The following KLHDC10 variants were observed in gnomAD, a reference collection of about 807,000 sequenced individuals.
The protein encoded by KLHDC10 is kelch domain-containing protein 10.
Under a neutral mutation model 56.1 loss-of-function variants are expected in KLHDC10, and 24 were observed. The observed-to-expected ratio is 0.43, with a 90% CI of 0.31 to 0.60. KLHDC10 has a LOEUF of 0.60. Among genes scored for constraint, KLHDC10 ranks in the 20% least tolerant of loss-of-function variants. The probability of loss-of-function intolerance (pLI) is 0.11; values close to 1 mark genes in which losing one functional copy is unlikely to be tolerated. For missense variants in KLHDC10, 349 were observed against 567.0 expected (o/e 0.62, Z 3.91); for synonymous variants, 188 against 207.1 (o/e 0.91, Z 0.79).
At position 130,132,094 on chromosome 7, in the gene KLHDC10, TA is replaced by T. The variant is rs1418781892; in HGVS notation, c.*1351del. 3 of 151,994 alleles carry T rather than the reference TA, an allele frequency of 2.0e-5. No homozygotes were observed. Among genetic ancestry groups the T allele is most frequent in the Non-Finnish European group, 4.4e-5 (3 of 67,984 alleles). 9.4% of individuals were successfully genotyped at this position (151,994 alleles called of 1,614,324 possible). On this transcript the variant is annotated 3_prime_UTR_variant, in exon 10 of 10. Transcript: ENST00000335420. ...TTTTTTAATTCTAAAAAGAATGACA[TA>T]AATTTTCACTCGCTTTGCCATCTGG... is the stretch of plus-strand genomic sequence containing the variant.
At chr7:130,077,071 G>A (rs1157927657) in intron 1 of KLHDC10, among the ~76,000 whole-genome samples, 2 of 152,084 alleles carry the variant, frequency 1.3e-5, no homozygotes, top group African/African-American at 2.4e-5. Context: ...AACAGTATAT[G>A]TGGCCAGGCA....
At chr7:130,084,943 A>T (rs988522978) in intron 1 of KLHDC10, among the ~76,000 whole-genome samples, 1 of 152,176 alleles carries the variant, frequency 6.6e-6, no homozygotes, top group Non-Finnish European at 1.5e-5. Context: ...AAGTAAGGAT[A>T]TAGAGTAAGT....
chr7:130,095,829 T>C (rs1795841297), intron 1 of KLHDC10, among the ~76,000 whole-genome samples: 1 of 152,208 alleles, frequency 6.6e-6, no homozygotes, highest in Non-Finnish European at 1.5e-5. Context: ...AAGGCCTCAC[T>C]TGAATCCTGG....
Position 130,077,374 on chromosome 7 carries a change from A to C in KLHDC10, c.166+6565A>C, listed in dbSNP as rs868530858. Among the ~76,000 whole-genome samples the C allele has an allele frequency of 7.7e-4, 114 of 148,796 alleles. 1 individual carries two copies. The highest frequency in any genetic ancestry group is 2.6e-3 in the African/African-American group (106 of 40,792). On this transcript the variant is annotated intron_variant, in intron 1 of 9. Coordinates refer to ENST00000335420, the MANE Select transcript of KLHDC10 (RefSeq NM_014997.4). ...GTCTCAAAAAAAAAAAAAAAAAAAAAAAAAAAAACAGTATATGTATTTATT... is the reference window on the plus strand; with the variant it reads ...GTCTCAAAAAAAAAAAAAAAAAAAACAAAAAAAACAGTATATGTATTTATT...
intron 1 of KLHDC10, among the ~76,000 whole-genome samples, chr7:130,093,348 C>T (rs150433267): frequency 0.013 from 1,945 of 152,092 alleles, 36 homozygotes; most frequent in African/African-American, 0.043. Flanking sequence ...CTCAGCCTCC[C>T]GAGTAGCCAG....
chr7:130,100,624 A>G (rs773190411), intron 2 of KLHDC10, among the ~76,000 whole-genome samples: 4 of 152,134 alleles, frequency 2.6e-5, no homozygotes, highest in Non-Finnish European at 5.9e-5. Flanking sequence ...TGAAAATGCT[A>G]TTGTTTAATG....
chr7:130,105,133 G>A (rs557970534), intron 2 of KLHDC10, among the ~76,000 whole-genome samples: 21 of 152,282 alleles, frequency 1.4e-4, no homozygotes, highest in African/African-American at 5.1e-4. Context: ...TGGAACAACA[G>A]GAATTCTCAC....
intron 2 of KLHDC10, among the ~76,000 whole-genome samples, chr7:130,110,404 C>T (rs552933798): frequency 1.3e-5 from 2 of 152,232 alleles, no homozygotes; most frequent in East Asian, 3.9e-4. Flanking sequence ...TAGTTCAAAG[C>T]TATAATAATT....
intron 5 of KLHDC10, among the ~76,000 whole-genome samples, chr7:130,123,805 A>T (rs1796281318): frequency 6.6e-6 from 1 of 152,196 alleles, no homozygotes; most frequent in Admixed American, 6.5e-5. Context: ...GCATTTTCAC[A>T]TGGTTGCTTT....
At chr7:130,126,900 C>T (rs769169145) in intron 7 of KLHDC10, among the ~76,000 whole-genome samples, 19 of 151,952 alleles carry the variant, frequency 1.3e-4, no homozygotes, top group Non-Finnish European at 2.1e-4. Context: ...CCCAGGAGTT[C>T]GAGACCAGCC....
Position 130,130,124 on chromosome 7 carries a change from G to C in KLHDC10, c.1120-413G>C, listed in dbSNP as rs894576097. On this transcript the variant is annotated intron_variant, in intron 9 of 9. Transcript: ENST00000335420. This position sits in a 1 kb window ranked among gnomAD's most constrained non-coding sequence, Gnocchi z 4.2. ...GAGGTCAGGAGATTGAGACCATCCT[G>C]GCTAACACGGATGAAACCCCATCTC... 6.6e-5 allele frequency among the ~76,000 whole-genome samples: 10 copies of C among 151,780 alleles called. No individual in the cohort carries two copies. The highest frequency in any genetic ancestry group is 2.2e-4 in the African/African-American group (9 of 41,330).
chr7:130,083,981 C>T (rs938342927), intron 1 of KLHDC10, among the ~76,000 whole-genome samples: 1 of 152,152 alleles, frequency 6.6e-6, no homozygotes, highest in African/African-American at 2.4e-5. Context: ...TCTGTGTCCC[C>T]ACCCTTCTCT....
chr7:130,084,515 T>C (rs1390376648), intron 1 of KLHDC10, among the ~76,000 whole-genome samples: 4 of 152,200 alleles, frequency 2.6e-5, no homozygotes, highest in Non-Finnish European at 5.9e-5. Context: ...GGTTGACGCC[T>C]GTAATCCCAG....
At chr7:130,091,716 T>C (rs1795775662) in intron 1 of KLHDC10, among the ~76,000 whole-genome samples, 1 of 152,222 alleles carries the variant, frequency 6.6e-6, no homozygotes, top group Admixed American at 6.5e-5. Flanking sequence ...ATTATAGTTC[T>C]GAATGTTAGT....
At chr7:130,128,804 C>T (rs1251089635) in intron 8 of KLHDC10, among the ~76,000 whole-genome samples, 3 of 144,692 alleles carry the variant, frequency 2.1e-5, no homozygotes, top group Non-Finnish European at 4.5e-5. Context: ...CTTTGGGAGG[C>T]TGAGGCGGGA....
At chr7:130,071,662 G>T (rs1795412683) in intron 1 of KLHDC10, among the ~76,000 whole-genome samples, 1 of 152,174 alleles carries the variant, frequency 6.6e-6, no homozygotes, top group Non-Finnish European at 1.5e-5. Context: ...ATTAAATAAT[G>T]CAGAGAACGT....
At chr7:130,128,811 G>T (rs1290187741) in intron 8 of KLHDC10, among the ~76,000 whole-genome samples, 1 of 146,052 alleles carries the variant, frequency 6.8e-6, no homozygotes, top group Admixed American at 6.8e-5. Flanking sequence ...AGGCTGAGGC[G>T]GGAGGGTCAC....
Position 130,122,191 on chromosome 7 carries a change from A to G in KLHDC10, c.768A>G (p.Leu256=), listed in dbSNP as rs373704200. The change falls in exon 5 of 10, where the codon CTA becomes CTG. Residue 256 remains leucine (L), a synonymous_variant. Coordinates refer to ENST00000335420, the MANE Select transcript of KLHDC10 (RefSeq NM_014997.4). ...QLKPNNLSCD[L]PEERYRHEIA... is the part of the protein sequence containing the mutation. ...AACCAAACAACCTATCCTGTGATCT[A>G]CCAGAAGAGAGGTGAGGTTCTAGGA... The G allele has an allele frequency of 2.1e-4, 333 of 1,613,562 alleles. No individual in the cohort carries two copies. Among genetic ancestry groups the G allele is most frequent in the Non-Finnish European group, 2.7e-4 (314 of 1,179,836 alleles).
intron 1 of KLHDC10, among the ~76,000 whole-genome samples, chr7:130,079,725 GCCTT>G (rs748916579): frequency 2.7e-4 from 31 of 115,646 alleles, no homozygotes; most frequent in African/African-American, 3.5e-4. Flanking sequence ...CTGCCTTCCT[GCCTT>G]CCTTCCTTCC....
Sources: gnomAD v4.1 joint callset for allele counts (sites outside exome capture counted in the v4.1 genomes callset) on GRCh38, gnomAD v4.1.1 for gene constraint, Gnocchi (gnomAD v3.1) non-coding constraint, MANE v1.5 for transcripts, NCBI Gene and HGNC (gene_info 2026-07-23, HGNC 2026-07-21) for gene names.